The following ITGA8 variants were observed in gnomAD, a reference collection of about 807,000 sequenced individuals.
The protein encoded by ITGA8 is integrin subunit alpha 8, also known as integrin alpha-8.
Under a neutral mutation model 142.3 loss-of-function variants are expected in ITGA8, and 91 were observed. The observed-to-expected ratio is 0.64, with a 90% CI of 0.54 to 0.76. ITGA8 has a LOEUF of 0.76. ITGA8 is among the 30% of genes least tolerant of loss of function. ITGA8 has a pLI of 0.00. For missense variants in ITGA8, 1,406 were observed against 1,327.7 expected, an observed-to-expected ratio of 1.06 and a Z score of -0.92; for synonymous variants, 505 against 485.2, an observed-to-expected ratio of 1.04 and a Z score of -0.54.
At chr10:15,717,209 T>A (rs761197763) in intron 2 of ITGA8, among the ~76,000 whole-genome samples, 8 of 152,230 alleles carry the variant, frequency 5.3e-5, no homozygotes, top group Non-Finnish European at 1.0e-4. Context: ...GATTATTAAA[T>A]TCTTTTCCAC....
chr10:15,689,794 C>T (rs1029020124), intron 2 of ITGA8, among the ~76,000 whole-genome samples: 3 of 152,234 alleles, frequency 2.0e-5, no homozygotes, highest in Non-Finnish European at 2.9e-5. Context: ...CAACCTGCTG[C>T]AGCTCCCTAC....
At chr10:15,523,922 C>T (rs1048763781) in intron 28 of ITGA8, among the ~76,000 whole-genome samples, 3 of 152,036 alleles carry the variant, frequency 2.0e-5, no homozygotes, top group African/African-American at 7.3e-5. Context: ...ACAGAGCGAG[C>T]CTCTGTCTCA....
intron 15 of ITGA8, among the ~76,000 whole-genome samples, chr10:15,608,627 G>A (rs1451603149): frequency 6.6e-6 from 1 of 152,106 alleles, no homozygotes; most frequent in Admixed American, 6.5e-5. Context: ...GGAAGAATTA[G>A]GCAGCAGAGC....
Position 15,678,759 on chromosome 10 carries a change from C to A in ITGA8, c.593G>T (p.Gly198Val), listed in dbSNP as rs1267368627. ...RNSNADPEGQGYCQAGFSLDF... is the reference protein window; with the variant it reads ...RNSNADPEGQVYCQAGFSLDF... ...CAGACTAAATCCTGCTTGGCAGTAA[C>A]CCTGGCCTTCCGGATCAGCATTGCC... is the stretch of plus-strand genomic sequence containing the variant. The change falls in exon 5 of 30, where the codon GGT (glycine) becomes GTT (valine). Residue 198 changes from glycine to valine, a missense_variant. Coordinates refer to ENST00000378076, the MANE Select transcript of ITGA8 (RefSeq NM_003638.3). 3.7e-6 allele frequency: 6 copies of A among 1,609,840 alleles called. No individual in the cohort carries two copies. The highest frequency in any genetic ancestry group is 1.7e-4 in the Middle Eastern group (1 of 6,056).
intron 13 of ITGA8, among the ~76,000 whole-genome samples, chr10:15,642,773 T>C (rs1481284688): frequency 3.3e-5 from 5 of 152,174 alleles, no homozygotes; most frequent in Admixed American, 6.5e-5. Context: ...TATAAGAATA[T>C]GTTGCGGTAT....
chr10:15,567,174 A>C (rs1193974226), intron 25 of ITGA8, among the ~76,000 whole-genome samples: 1 of 151,696 alleles, frequency 6.6e-6, no homozygotes, highest in Non-Finnish European at 1.5e-5. Flanking sequence ...AAGAAGAAAA[A>C]AATAGAAAAA....
chr10:15,655,784 G>A (rs1834172989), intron 10 of ITGA8, among the ~76,000 whole-genome samples: 1 of 152,118 alleles, frequency 6.6e-6, no homozygotes, highest in Non-Finnish European at 1.5e-5. Context: ...TCCATATGAT[G>A]TTGTATGAAA....
intron 11 of ITGA8, among the ~76,000 whole-genome samples, chr10:15,647,652 C>T (rs1195630946): frequency 2.7e-5 from 4 of 150,484 alleles, no homozygotes; most frequent in Admixed American, 2.6e-4. Context: ...TTAGTAGAGA[C>T]GGGGTTTCAC....
intron 27 of ITGA8, among the ~76,000 whole-genome samples, chr10:15,532,807 G>A (rs1833337490): frequency 6.6e-6 from 1 of 151,920 alleles, no homozygotes; most frequent in African/African-American, 2.4e-5. Context: ...TTATATAAAT[G>A]TAAACTTAAG....
At chr10:15,644,478 AT>A (rs1564388980) in intron 12 of ITGA8, among the ~76,000 whole-genome samples, 614 of 12,986 alleles carry the variant, frequency 0.047, 39 homozygotes, top group Admixed American at 0.088. Context: ...ATATATATAT[AT>A]ATATATATAT....
intron 2 of ITGA8, among the ~76,000 whole-genome samples, chr10:15,703,226 G>A (rs530817725): frequency 4.6e-5 from 7 of 152,198 alleles, no homozygotes; most frequent in East Asian, 3.9e-4. Flanking sequence ...TTCCTGATCC[G>A]GATGAGAATA....
chr10:15,655,220 A>T (rs979409563), intron 11 of ITGA8, 134 bp downstream of exon 11: 8 of 552,794 alleles, frequency 1.4e-5, no homozygotes, highest in African/African-American at 1.4e-4. Flanking sequence ...CTTGTCTTGA[A>T]CCAAAAAAGT....
intron 28 of ITGA8, among the ~76,000 whole-genome samples, chr10:15,520,617 G>A (rs908999953): frequency 6.6e-6 from 1 of 152,168 alleles, no homozygotes; most frequent in South Asian, 2.1e-4. Context: ...TCCGGAGGCC[G>A]AGGCAGCAAA....
intron 11 of ITGA8, among the ~76,000 whole-genome samples, chr10:15,650,861 C>G (rs925174941): frequency 1.5e-4 from 23 of 152,278 alleles, no homozygotes; most frequent in African/African-American, 5.3e-4. Flanking sequence ...GAGCTAACAT[C>G]ACTTCAATTA....
At chr10:15,624,513 C>G (rs1339954928) in intron 13 of ITGA8, among the ~76,000 whole-genome samples, 1 of 152,176 alleles carries the variant, frequency 6.6e-6, no homozygotes, top group Non-Finnish European at 1.5e-5. Flanking sequence ...CCTTGTGCCT[C>G]CACTGAGAGA....
intron 8 of ITGA8, among the ~76,000 whole-genome samples, chr10:15,662,158 T>C (rs1218413800): frequency 1.3e-5 from 2 of 152,062 alleles, no homozygotes; most frequent in African/African-American, 2.4e-5. Flanking sequence ...TTAAATGTAA[T>C]ATTGAGTAAA....
intron 8 of ITGA8, among the ~76,000 whole-genome samples, chr10:15,664,771 G>T (rs180964638): frequency 0.015 from 2,218 of 150,898 alleles, 192 homozygotes; most frequent in Admixed American, 0.14. Context: ...GCAGTGTTTG[G>T]TTTTTTGTCC....
chr10:15,640,150 C>T (rs1833844957), intron 13 of ITGA8, among the ~76,000 whole-genome samples: 1 of 152,220 alleles, frequency 6.6e-6, no homozygotes, highest in African/African-American at 2.4e-5. Flanking sequence ...ACTTAGTACT[C>T]TCCCACTGAC....
At chr10:15,674,430 TAAG>T (rs1462539039) in intron 6 of ITGA8, among the ~76,000 whole-genome samples, 1 of 152,242 alleles carries the variant, frequency 6.6e-6, no homozygotes, top group Non-Finnish European at 1.5e-5. Flanking sequence ...TTTTTCAGTT[TAAG>T]GAGAAGAATG....
Sources: gnomAD v4.1 joint callset for allele counts (sites outside exome capture counted in the v4.1 genomes callset) on GRCh38, gnomAD v4.1.1 for gene constraint, MANE v1.5 for transcripts, NCBI Gene and HGNC (gene_info 2026-07-23, HGNC 2026-07-21) for gene names.